The following TASP1 variants were observed in gnomAD, a reference collection of about 807,000 sequenced individuals.
TASP1 encodes the protein threonine aspartase 1.
Under a neutral mutation model 56.6 loss-of-function variants are expected in TASP1, and 16 were observed. That is an observed-to-expected ratio of 0.28 (90% CI 0.19 to 0.43). The LOEUF (loss-of-function observed/expected upper bound fraction) is 0.43. Ranked by LOEUF, TASP1 falls within the 20% of genes least tolerant of loss-of-function variation. The probability of loss-of-function intolerance (pLI) is 1.00; values close to 1 mark genes in which losing one functional copy is unlikely to be tolerated. For missense variants in TASP1, 393 were observed against 511.6 expected, an observed-to-expected ratio of 0.77 and a Z score of 2.24; for synonymous variants, 179 against 184.2, an observed-to-expected ratio of 0.97 and a Z score of 0.23.
the TASP1 span, among the ~76,000 whole-genome samples, chr20:13,311,216 T>C: frequency 7.5e-6 from 1 of 133,206 alleles, no homozygotes. Context: ...TATAGATAGA[T>C]GATAGATAGA....
the TASP1 span, among the ~76,000 whole-genome samples, chr20:13,139,253 A>G: frequency 2.0e-5 from 3 of 152,228 alleles, no homozygotes; most frequent in Non-Finnish European, 4.4e-5. Flanking sequence ...ACAGACAATG[A>G]AAGATAAAGG....
the TASP1 span, among the ~76,000 whole-genome samples, chr20:13,125,206 C>A: frequency 2.6e-5 from 4 of 152,074 alleles, no homozygotes; most frequent in African/African-American, 9.7e-5. Flanking sequence ...CTTCTTAGGG[C>A]TTTCAGCAAG....
rs1178673619 is a variant in TASP1 at position 13,493,013 on chromosome 20, TTTA to T, written c.875-9679_875-9677del. ...ATTAGTTTTTATCACTACTGCCAAT[TTTA>T]TTGAGGATATAACCAAATCACACAC... On this transcript the variant is annotated intron_variant, in intron 10 of 13. Coordinates refer to ENST00000337743, the MANE Select transcript of TASP1 (RefSeq NM_017714.3). Among the ~76,000 whole-genome samples, 10 of 152,260 alleles carry T rather than the reference TTTA, an allele frequency of 6.6e-5. No individual in the cohort carries two copies. The East Asian group carries it at 1.9e-3, about 29-fold the overall frequency.
the TASP1 span, among the ~76,000 whole-genome samples, chr20:13,320,157 CCTG>C: frequency 6.6e-6 from 1 of 152,158 alleles, no homozygotes; most frequent in Non-Finnish European, 1.5e-5. Flanking sequence ...AAGCAATAAC[CCTG>C]CTGAGGGGCT....
chr20:13,211,610 GT>G, the TASP1 span, among the ~76,000 whole-genome samples: 1 of 152,034 alleles, frequency 6.6e-6, no homozygotes, highest in Non-Finnish European at 1.5e-5. Context: ...TTCTCTCTCT[GT>G]TTTAGAATAG....
the TASP1 span, among the ~76,000 whole-genome samples, chr20:13,253,288 G>A: frequency 2.0e-5 from 3 of 152,160 alleles, no homozygotes; most frequent in Non-Finnish European, 2.9e-5. Flanking sequence ...GGACCCAGAG[G>A]GTGAGGAGCT....
intron 10 of TASP1, among the ~76,000 whole-genome samples, chr20:13,523,557 T>C (rs2044853801): frequency 6.6e-6 from 1 of 152,156 alleles, no homozygotes; most frequent in African/African-American, 2.4e-5. Context: ...CAAAAAGGAA[T>C]GGCATATTCT....
chr20:13,516,245 G>A (rs1231334473), intron 10 of TASP1, among the ~76,000 whole-genome samples: 2 of 152,052 alleles, frequency 1.3e-5, no homozygotes, highest in African/African-American at 2.4e-5. Context: ...GCAAACCCAC[G>A]AAGGCCTTGA....
chr20:13,472,012 A>G (rs957944772), intron 11 of TASP1, among the ~76,000 whole-genome samples: 40 of 152,012 alleles, frequency 2.6e-4, no homozygotes, highest in Non-Finnish European at 5.1e-4. Flanking sequence ...ATATGGAACC[A>G]AAAAAGAGCC....
intron 4 of TASP1, 40 bp from the exon 5 acceptor site, chr20:13,587,410 A>T (rs769216674): frequency 6.6e-6 from 10 of 1,523,318 alleles, no homozygotes; most frequent in Middle Eastern, 1.7e-4. Context: ...CATTAGTCTT[A>T]AAAAAAGTAT....
chr20:13,146,413 C>A, the TASP1 span, among the ~76,000 whole-genome samples: 1 of 152,034 alleles, frequency 6.6e-6, no homozygotes, highest in Non-Finnish European at 1.5e-5. Context: ...CACATGTACC[C>A]CGAAACCTAA....
chr20:13,270,316 T>C, the TASP1 span, among the ~76,000 whole-genome samples: 27 of 152,342 alleles, frequency 1.8e-4, no homozygotes, highest in East Asian at 5.2e-3. Flanking sequence ...CTAGAAGTTT[T>C]CTGATGATCT....
intron 8 of TASP1, among the ~76,000 whole-genome samples, chr20:13,545,222 TAGAAAGTA>T (rs2045765244): frequency 6.6e-6 from 1 of 152,194 alleles, no homozygotes. Context: ...TAGATCTTAT[TAGAAAGTA>T]AAGAACTGAG....
At chr20:13,427,541 A>C (rs2042659594) in intron 12 of TASP1, among the ~76,000 whole-genome samples, 1 of 152,248 alleles carries the variant, frequency 6.6e-6, no homozygotes, top group South Asian at 2.1e-4. Flanking sequence ...AATCAAGGAA[A>C]ACTAAACAAT....
the TASP1 span, chr20:13,292,252 C>T: frequency 1.6e-6 from 1 of 640,554 alleles, no homozygotes; most frequent in Non-Finnish European, 2.8e-6. Context: ...AAGTTTCTGC[C>T]CGTGAGTAGT....
At chr20:13,609,504 T>G (rs2048274574) in intron 4 of TASP1, among the ~76,000 whole-genome samples, 1 of 151,830 alleles carries the variant, frequency 6.6e-6, no homozygotes. Flanking sequence ...GCCAACATGG[T>G]GAAACCCCAT....
chr20:13,269,934 A>AGGATGGATGGAT, the TASP1 span, among the ~76,000 whole-genome samples: 85,653 of 149,760 alleles, frequency 0.57, 24,632 homozygotes, highest in East Asian at 0.66. Flanking sequence ...TGTGGGTGGA[A>AGGATGGATGGAT]GGATGGATGG....
intron 11 of TASP1, among the ~76,000 whole-genome samples, chr20:13,443,439 G>T (rs2146248703): frequency 6.6e-6 from 1 of 152,192 alleles, no homozygotes; most frequent in Admixed American, 6.5e-5. Context: ...ATATGTGCAA[G>T]CAGCTGCAAA....
chr20:13,187,266 T>C, the TASP1 span, among the ~76,000 whole-genome samples: 4 of 151,874 alleles, frequency 2.6e-5, no homozygotes, highest in Non-Finnish European at 4.4e-5. Flanking sequence ...ATATGAGTAA[T>C]GGAATACCAG....
Sources: allele counts gnomAD v4.1 joint callset (sites outside exome capture counted in the v4.1 genomes callset), GRCh38; gene constraint gnomAD v4.1.1; transcripts MANE v1.5; gene names NCBI Gene and HGNC (gene_info 2026-07-23, HGNC 2026-07-21).